Variants in DYNC2H1 observed in about 807,000 individuals in gnomAD.
DYNC2H1 encodes the protein cytoplasmic dynein 2 heavy chain 1.
DYNC2H1 carries 410 observed loss-of-function variants against 570.0 expected under a neutral mutation model. The ratio of observed to expected loss-of-function variants is 0.72; its 90% CI spans 0.66 to 0.78. The LOEUF (loss-of-function observed/expected upper bound fraction) is 0.78. Among genes scored for constraint, DYNC2H1 ranks in the 30% least tolerant of loss-of-function variants. DYNC2H1 has a pLI of 0.00. For synonymous variants in DYNC2H1, 1,688 were observed against 1,677.6 expected (o/e 1.01, Z -0.15); for missense variants, 4,865 against 5,046.4 (o/e 0.96, Z 1.09).
chr11:103,156,195 T>C (rs1361344005), intron 25 of DYNC2H1, among the ~76,000 whole-genome samples, 193 bp from the exon 26 acceptor site: 2 of 152,016 alleles, frequency 1.3e-5, no homozygotes. Context: ...GGATACTTAG[T>C]ATCTTACATG....
Position 103,163,202 on chromosome 11 carries a change from G to A in DYNC2H1, c.4611+55G>A, listed in dbSNP as rs1355618319. ...AGGCATGGAACGTGGAAAGATCCCT[G>A]ACCTAGAAGCCAGGAGGCTCAGATA... On this transcript the variant is annotated intron_variant, in intron 30 of 88. Coordinates refer to ENST00000375735, the MANE Select transcript of DYNC2H1 (RefSeq NM_001377.3). This position sits in a 1 kb window ranked among gnomAD's most constrained non-coding sequence, Gnocchi z 4.6. 2 of 1,536,982 alleles carry A rather than the reference G, an allele frequency of 1.3e-6. No homozygotes were observed. The highest frequency in any genetic ancestry group is 1.4e-5 in the African/African-American group (1 of 72,342).
At chr11:103,436,691 G>T (rs531697034) in intron 85 of DYNC2H1, among the ~76,000 whole-genome samples, 1 of 152,110 alleles carries the variant, frequency 6.6e-6, no homozygotes, top group East Asian at 1.9e-4. Context: ...GTTCACATTT[G>T]TCATCACTCA....
At position 103,266,209 on chromosome 11, in the gene DYNC2H1, A is replaced by C. The variant is rs190525281; in HGVS notation, c.10695+6232A>C. On this transcript the variant is annotated intron_variant, in intron 70 of 88. Coordinates refer to ENST00000375735, the MANE Select transcript of DYNC2H1 (RefSeq NM_001377.3). Reference sequence around the variant, plus strand: ...TGCAAGTGCCAGCAGCAGTGGTAGCAGCAGCTGTGTCAGGGTACTAAATGG... The same window carrying C: ...TGCAAGTGCCAGCAGCAGTGGTAGCCGCAGCTGTGTCAGGGTACTAAATGG... Among the ~76,000 whole-genome samples the C allele has an allele frequency of 2.0e-5, 3 of 152,240 alleles. No individual in the cohort carries two copies. In the East Asian group the frequency reaches 5.8e-4, roughly 30 times the overall value.
intron 11 of DYNC2H1, among the ~76,000 whole-genome samples, chr11:103,123,790 C>T (rs949673998): frequency 6.6e-6 from 1 of 150,682 alleles, no homozygotes; most frequent in South Asian, 2.1e-4. Context: ...TTCCACACAG[C>T]GTTTCTCATT....
intron 83 of DYNC2H1, among the ~76,000 whole-genome samples, chr11:103,378,867 C>T (rs2671384): frequency 0.48 from 72,963 of 151,920 alleles, 17,896 homozygotes; most frequent in Non-Finnish European, 0.54. Context: ...TAATCTGATT[C>T]TTATTTCTTT....
intron 77 of DYNC2H1, among the ~76,000 whole-genome samples, chr11:103,307,146 A>G (rs1382345891): frequency 6.6e-6 from 1 of 152,202 alleles, no homozygotes; most frequent in Non-Finnish European, 1.5e-5. Context: ...GAGTCTGGAT[A>G]AATGACTAAA....
chr11:103,198,898 T>C (rs1163278002), intron 48 of DYNC2H1, among the ~76,000 whole-genome samples: 1 of 152,134 alleles, frequency 6.6e-6, no homozygotes, highest in Non-Finnish European at 1.5e-5. Flanking sequence ...TGCACACTGA[T>C]TCATGACAAC....
At chr11:103,180,579 A>G (rs183206508) in intron 39 of DYNC2H1, among the ~76,000 whole-genome samples, 4 of 151,678 alleles carry the variant, frequency 2.6e-5, no homozygotes, top group Non-Finnish European at 5.9e-5. Context: ...TTCAGCTTAT[A>G]TCTTAGTTTT....
intron 12 of DYNC2H1, among the ~76,000 whole-genome samples, chr11:103,126,757 C>T (rs1859023408): frequency 6.6e-6 from 1 of 151,878 alleles, no homozygotes; most frequent in African/African-American, 2.4e-5. Flanking sequence ...CTGCCTCAGC[C>T]TCCCGAGTAG....
At chr11:103,376,793 G>A (rs1397259730) in intron 83 of DYNC2H1, among the ~76,000 whole-genome samples, 1 of 152,138 alleles carries the variant, frequency 6.6e-6, no homozygotes, top group Non-Finnish European at 1.5e-5. Flanking sequence ...ATACTTTCAT[G>A]TGCTTTTATC....
intron 82 of DYNC2H1, among the ~76,000 whole-genome samples, chr11:103,337,436 A>G (rs747109946): frequency 6.6e-6 from 1 of 152,088 alleles, no homozygotes; most frequent in Non-Finnish European, 1.5e-5. Flanking sequence ...TAGTATTTCT[A>G]TTTTTGGTTT....
intron 85 of DYNC2H1, among the ~76,000 whole-genome samples, chr11:103,440,559 C>G (rs1002550712): frequency 6.6e-6 from 1 of 152,036 alleles, no homozygotes; most frequent in African/African-American, 2.4e-5. Flanking sequence ...GAGATCTAAG[C>G]AATAAATAGC....
chr11:103,418,645 G>A (rs1398129694), intron 84 of DYNC2H1, among the ~76,000 whole-genome samples: 1 of 152,174 alleles, frequency 6.6e-6, no homozygotes. Context: ...AAATATCCAT[G>A]TTCTCGCATT....
intron 75 of DYNC2H1, among the ~76,000 whole-genome samples, chr11:103,290,163 G>C (rs1357696009): frequency 6.6e-6 from 1 of 152,082 alleles, no homozygotes; most frequent in South Asian, 2.1e-4. Flanking sequence ...GAGGGACAGG[G>C]GTTAGACTTC....
intron 59 of DYNC2H1, among the ~76,000 whole-genome samples, chr11:103,225,898 C>CCATTTGTTTGTAT (rs1316877089): frequency 6.6e-6 from 1 of 151,284 alleles, no homozygotes; most frequent in Non-Finnish European, 1.5e-5. Flanking sequence ...GGATATGTTT[C>CCATTTGTTTGTAT]CATTTGTTTG....
At chr11:103,206,584 C>G (rs1414105247) in intron 52 of DYNC2H1, among the ~76,000 whole-genome samples, 1 of 152,000 alleles carries the variant, frequency 6.6e-6, no homozygotes, top group Non-Finnish European at 1.5e-5. Flanking sequence ...GAGGAAGAAC[C>G]AAAGGACACT....
intron 75 of DYNC2H1, among the ~76,000 whole-genome samples, chr11:103,298,214 G>T (rs971169731): frequency 1.3e-5 from 2 of 151,520 alleles, no homozygotes; most frequent in African/African-American, 4.9e-5. Context: ...TCTTTTTCTT[G>T]TTTTTTTTAC....
chr11:103,370,793 G>T (rs1158912621), intron 83 of DYNC2H1, among the ~76,000 whole-genome samples: 1 of 152,162 alleles, frequency 6.6e-6, no homozygotes, highest in Non-Finnish European at 1.5e-5. Flanking sequence ...AGCAGGTAGA[G>T]CTTAGATCAC....
intron 84 of DYNC2H1, among the ~76,000 whole-genome samples, chr11:103,434,191 CTAACCCTG>C (rs1943986832): frequency 6.6e-6 from 1 of 152,070 alleles, no homozygotes; most frequent in South Asian, 2.1e-4. Context: ...GCATCCTCTC[CTAACCCTG>C]TAATCCTAAA....
Sources: gnomAD v4.1 joint callset for allele counts (sites outside exome capture counted in the v4.1 genomes callset) on GRCh38, gnomAD v4.1.1 for gene constraint, Gnocchi (gnomAD v3.1) non-coding constraint, MANE v1.5 for transcripts, NCBI Gene and HGNC (gene_info 2026-07-23, HGNC 2026-07-21) for gene names.